TRIM7: variants seen among roughly 807,000 people sequenced by gnomAD.
TRIM7 encodes the protein E3 ubiquitin-protein ligase TRIM7.
A neutral mutation model predicts 37.9 loss-of-function variants in TRIM7; 32 were observed. That is an observed-to-expected ratio of 0.84 (90% CI 0.64 to 1.13). The LOEUF (loss-of-function observed/expected upper bound fraction) is 1.13. Ranked by LOEUF, TRIM7 falls within the 50% of genes most tolerant of loss-of-function variation. TRIM7 has a pLI of 0.00. For synonymous variants in TRIM7, 351 were observed against 321.3 expected (o/e 1.09, Z -0.99); for missense variants, 732 against 714.0 (o/e 1.03, Z -0.29).
intron 1 of TRIM7, 77 bp downstream of exon 1, chr5:181,204,512 T>C: frequency 7.7e-7 from 1 of 1,294,888 alleles, no homozygotes; most frequent in Non-Finnish European, 9.8e-7. Context: ...GGCTGTTCTC[T>C]GCACCCCGTG....
At chr5:181,198,373 G>C (rs7701372) in intron 5 of TRIM7, 155 bp from the exon 6 acceptor site, 3 of 789,754 alleles carry the variant, frequency 3.8e-6, no homozygotes, top group South Asian at 1.6e-5. Flanking sequence ...CATGGGGAGC[G>C]GGGGGCAGGG....
At chr5:181,198,282 C>A in intron 5 of TRIM7, 64 bp from the exon 6 acceptor site, 3 of 1,538,526 alleles carry the variant, frequency 1.9e-6, no homozygotes, top group Non-Finnish European at 2.7e-6. Context: ...GCAAGGTCAC[C>A]AGCTCTTTAT....
Position 181,195,531 on chromosome 5 carries a change from C to T in TRIM7, c.1171G>A (p.Gly391Ser), listed in dbSNP as rs368735034. Reference sequence around the variant, plus strand: ...CAGTGATGCCGGCCCGAGGAGAAGCCGCAGGACGCCAGGACGCGGGTGTTG... The same window carrying T: ...CAGTGATGCCGGCCCGAGGAGAAGCTGCAGGACGCCAGGACGCGGGTGTTG... ...DTNTRVLASC[G>S]FSSGRHHWEV... The change falls in exon 7 of 7, where the codon GGC (glycine) becomes AGC (serine). Residue 391 changes from glycine (G) to serine (S), a missense_variant. Transcript: ENST00000274773. 1.8e-5 allele frequency: 29 copies of T among 1,612,456 alleles called. No homozygotes were observed. The highest frequency in any genetic ancestry group is 2.5e-5 in the Non-Finnish European group (29 of 1,179,354).
At chr5:181,200,456 T>A in intron 2 of TRIM7, 2 of 1,186,028 alleles carry the variant, frequency 1.7e-6, no homozygotes, top group Non-Finnish European at 2.1e-6. Context: ...CTGAGATTGC[T>A]TTTTCTTCCT....
intron 4 of TRIM7, 120 bp from the exon 5 acceptor site, chr5:181,198,925 A>G (rs1757307247): frequency 1.7e-6 from 2 of 1,169,534 alleles, no homozygotes; most frequent in Non-Finnish European, 2.5e-6. Flanking sequence ...GCCAGACCTC[A>G]TGCAGAAAAA....
intron 5 of TRIM7, 52 bp from the exon 6 acceptor site, chr5:181,198,270 T>C (rs761888000): frequency 5.3e-5 from 84 of 1,588,728 alleles, no homozygotes; most frequent in Non-Finnish European, 6.9e-5. Flanking sequence ...GGAGATTATA[T>C]GGCAAGGTCA....
rs201027432 is a variant in TRIM7 at position 181,195,276 on chromosome 5, C to T, written c.1426G>A (p.Ala476Thr). ...TAGAGGTGGCGCATGTCCTCCACAG[C>T]GTAGAAGGACACGGCTCCCACCTCC... ...DLEVGAVSFYAVEDMRHLYTF... is the reference protein window; with the variant it reads ...DLEVGAVSFYTVEDMRHLYTF... The change falls in exon 7 of 7, where the codon GCT becomes ACT. Residue 476 changes from alanine to threonine, a missense_variant. By Grantham distance (58) the Ala-to-Thr change is moderately conservative. Transcript: ENST00000274773. 12 of 1,608,608 alleles carry T rather than the reference C, an allele frequency of 7.5e-6. No homozygotes were observed. Among genetic ancestry groups the T allele is most frequent in the East Asian group, 6.7e-5 (3 of 44,522 alleles).
chr5:181,203,851 G>C, intron 1 of TRIM7: 1 of 1,319,826 alleles, frequency 7.6e-7, no homozygotes. Flanking sequence ...TGCTGGACCA[G>C]CCAGACTGAA....
At chr5:181,199,567 A>T (rs1230968661) in intron 3 of TRIM7, 12 of 523,670 alleles carry the variant, frequency 2.3e-5, no homozygotes, top group Non-Finnish European at 4.0e-5. Context: ...AATAGAAAAC[A>T]TCAAAGTGCA....
chr5:181,200,253 A>G, intron 2 of TRIM7, 172 bp from the exon 3 acceptor site: 1 of 1,487,294 alleles, frequency 6.7e-7, no homozygotes, highest in Non-Finnish European at 8.9e-7. Context: ...CCAGCTCTGA[A>G]CAAGCTGTAG....
chr5:181,198,346 G>T, intron 5 of TRIM7, 128 bp from the exon 6 acceptor site: 1 of 996,408 alleles, frequency 1.0e-6, no homozygotes, highest in South Asian at 1.4e-5. Flanking sequence ...GAGTGAACGT[G>T]CAGGCACAGG....
At chr5:181,197,782 G>A (rs1285402623) in intron 6 of TRIM7, 3 of 218,266 alleles carry the variant, frequency 1.4e-5, no homozygotes, top group African/African-American at 4.6e-5. Flanking sequence ...CCAGAGCTTT[G>A]CAAGAGTAAA....
intron 6 of TRIM7, chr5:181,195,936 G>A (rs1303630170): frequency 6.9e-6 from 3 of 432,456 alleles, no homozygotes; most frequent in Non-Finnish European, 1.2e-5. Flanking sequence ...CAATTCAACA[G>A]ATGGGGATAT....
intron 1 of TRIM7, chr5:181,203,916 A>C: frequency 8.5e-7 from 1 of 1,177,974 alleles, no homozygotes; most frequent in Non-Finnish European, 1.1e-6. Flanking sequence ...CCGCCCCCCC[A>C]CCAGGAAGCC....
Position 181,204,413 on chromosome 5 carries a change from CAG to C in TRIM7, c.522+174_522+175del, listed in dbSNP as rs1462715010. ...GGGGTATTGGTGATGTTGGGGGTGA[CAG>C]AGAACCGCGCTCAGCCCGGGAACCA... On this transcript the variant is annotated intron_variant, in intron 1 of 6. Coordinates refer to ENST00000274773, the MANE Select transcript of TRIM7 (RefSeq NM_203293.3). 1.1e-5 allele frequency: 13 copies of C among 1,167,780 alleles called. No individual in the cohort carries two copies. The African/African-American group carries it at 1.1e-4, about 10-fold the overall frequency. 72.3% of individuals were successfully genotyped at this position (1,167,780 alleles called of 1,614,324 possible). A position where few individuals can be genotyped will look rare whatever the true frequency, so the allele number is the denominator to read the frequency against.
intron 1 of TRIM7, 165 bp downstream of exon 1, chr5:181,204,424 G>A (rs1757693901): frequency 8.7e-7 from 1 of 1,148,924 alleles, no homozygotes; most frequent in Non-Finnish European, 1.1e-6. Context: ...AGAGAACCGC[G>A]CTCAGCCCGG....
chr5:181,204,504 C>A, intron 1 of TRIM7, 85 bp downstream of exon 1: 1 of 1,265,056 alleles, frequency 7.9e-7, no homozygotes, highest in Non-Finnish European at 1.0e-6. Flanking sequence ...GATCGACAGG[C>A]TGTTCTCTGC....
intron 6 of TRIM7, 31 bp downstream of exon 6, chr5:181,198,152 T>C (rs1757247959): frequency 6.2e-7 from 1 of 1,613,152 alleles, no homozygotes; most frequent in Non-Finnish European, 8.5e-7. Flanking sequence ...TGGCAGACAG[T>C]CCATACTCGC....
chr5:181,202,454 C>G (rs965716781), intron 2 of TRIM7: 3 of 152,116 alleles, frequency 2.0e-5, no homozygotes, highest in Admixed American at 1.3e-4. Flanking sequence ...GCTGGGATTA[C>G]GGGCGTAAGC....
Sources: gnomAD v4.1 joint callset for allele counts on GRCh38, gnomAD v4.1.1 for gene constraint, MANE v1.5 for transcripts, NCBI Gene and HGNC (gene_info 2026-07-23, HGNC 2026-07-21) for gene names.